SLC39A11: variants seen among roughly 807,000 people sequenced by gnomAD.
The protein encoded by SLC39A11 is solute carrier family 39 member 11.
Under a neutral mutation model 36.1 loss-of-function variants are expected in SLC39A11, and 33 were observed. That is an observed-to-expected ratio of 0.91 (90% confidence interval 0.69 to 1.22). The LOEUF is 1.22. Ranked by LOEUF, SLC39A11 falls within the 50% of genes most tolerant of loss-of-function variation. The probability of loss-of-function intolerance (pLI) is 0.00; values close to 1 mark genes in which losing one functional copy is unlikely to be tolerated. For missense variants in SLC39A11, 432 were observed against 430.3 expected (o/e 1.00, Z -0.03); for synonymous variants, 166 against 170.3 (o/e 0.97, Z 0.20).
At chr17:72,873,636 C>T (rs368462961) in intron 5 of SLC39A11, among the ~76,000 whole-genome samples, 96 of 152,254 alleles carry the variant, frequency 6.3e-4, no homozygotes, top group East Asian at 5.8e-4. Flanking sequence ...TATGTGAACA[C>T]GTGCCCTCAA....
intron 4 of SLC39A11, among the ~76,000 whole-genome samples, chr17:72,988,205 C>A (rs2148260072): frequency 6.6e-6 from 1 of 152,348 alleles, no homozygotes; most frequent in Middle Eastern, 3.4e-3. Flanking sequence ...GTAATCCCAA[C>A]ACTTTGGGGG....
At chr17:72,776,838 C>T (rs1435990518) in intron 6 of SLC39A11, among the ~76,000 whole-genome samples, 2 of 152,198 alleles carry the variant, frequency 1.3e-5, no homozygotes, top group Non-Finnish European at 2.9e-5. Context: ...AAAGTAGCAG[C>T]TGGTCCACAG....
intron 4 of SLC39A11, among the ~76,000 whole-genome samples, chr17:72,989,313 T>C (rs2073136588): frequency 6.6e-6 from 1 of 152,246 alleles, no homozygotes; most frequent in Non-Finnish European, 1.5e-5. Flanking sequence ...GACTCTAGAA[T>C]CATCCTTCCT....
intron 7 of SLC39A11, among the ~76,000 whole-genome samples, chr17:72,697,490 G>A (rs1473607487): frequency 6.6e-6 from 1 of 152,144 alleles, no homozygotes; most frequent in African/African-American, 2.4e-5. Flanking sequence ...AGGCTCTGGG[G>A]AGAGGCTCTG....
intron 5 of SLC39A11, among the ~76,000 whole-genome samples, chr17:72,858,162 A>G (rs1394949372): frequency 6.6e-6 from 1 of 152,210 alleles, no homozygotes; most frequent in Non-Finnish European, 1.5e-5. Context: ...ATATGGTGTA[A>G]GGAAGGGATC....
chr17:72,871,904 A>AT (rs2080651505), intron 5 of SLC39A11, among the ~76,000 whole-genome samples: 1 of 152,104 alleles, frequency 6.6e-6, no homozygotes, highest in Non-Finnish European at 1.5e-5. Context: ...ATCTTGTGGG[A>AT]TGTAGCCCTT....
chr17:72,893,322 G>A (rs933829953), intron 5 of SLC39A11, among the ~76,000 whole-genome samples: 1 of 152,122 alleles, frequency 6.6e-6, no homozygotes, highest in African/African-American at 2.4e-5. Flanking sequence ...TTAGCCAGGC[G>A]TGGTGACACA....
intron 6 of SLC39A11, among the ~76,000 whole-genome samples, chr17:72,840,357 G>A (rs1289117183): frequency 6.6e-6 from 1 of 152,176 alleles, no homozygotes; most frequent in East Asian, 1.9e-4. Flanking sequence ...CCTCTTCTCT[G>A]GACCTTTAAA....
In SLC39A11 at chr17:72,835,282, T is replaced by A. The variant is rs139075824; in HGVS notation, c.601+14352A>T. Reference sequence around the variant, plus strand: ...ATCTTCAAATGTAACCTGTTGGAGATGAAAATTAAAGCCATCTGTGACGTC... The same window carrying A: ...ATCTTCAAATGTAACCTGTTGGAGAAGAAAATTAAAGCCATCTGTGACGTC... On this transcript the variant is annotated intron_variant, in intron 6 of 9. Coordinates refer to ENST00000255559, the MANE Select transcript of SLC39A11 (RefSeq NM_139177.4). Among the ~76,000 whole-genome samples, 37 of 152,308 alleles carry A rather than the reference T, an allele frequency of 2.4e-4. No homozygotes were observed. In the East Asian group the frequency reaches 3.1e-3, roughly 13 times the overall value.
At position 72,830,929 on chromosome 17, in the gene SLC39A11, C is replaced by T. The variant is rs959846806; in HGVS notation, c.601+18705G>A. On this transcript the variant is annotated intron_variant, in intron 6 of 9. Coordinates refer to ENST00000255559, the MANE Select transcript of SLC39A11 (RefSeq NM_139177.4). ...CTCCCAACAGGAAAGCCCAACATGG[C>T]TCTAGTGTGAAGAGGAGGCTGACCC... Among the ~76,000 whole-genome samples, 3 of 152,100 alleles carry T rather than the reference C, an allele frequency of 2.0e-5. No individual in the cohort carries two copies. The East Asian group carries it at 5.8e-4, about 29-fold the overall frequency.
chr17:72,781,245 A>C (rs921573650), intron 6 of SLC39A11, among the ~76,000 whole-genome samples: 7 of 152,140 alleles, frequency 4.6e-5, no homozygotes, highest in Non-Finnish European at 7.3e-5. Context: ...CGATCCTCTC[A>C]AACTCTCCTC....
intron 5 of SLC39A11, among the ~76,000 whole-genome samples, chr17:72,938,553 C>T (rs1446312757): frequency 6.6e-6 from 1 of 152,170 alleles, no homozygotes; most frequent in African/African-American, 2.4e-5. Flanking sequence ...AACCAACGTG[C>T]CACCCTGTTG....
At chr17:72,748,823 C>A (rs1598560276) in intron 6 of SLC39A11, among the ~76,000 whole-genome samples, 2 of 152,140 alleles carry the variant, frequency 1.3e-5, no homozygotes, top group Non-Finnish European at 2.9e-5. Flanking sequence ...ATGCCTCTAG[C>A]CAACTCCCCT....
intron 7 of SLC39A11, among the ~76,000 whole-genome samples, chr17:72,716,980 A>ATAT (rs1555646773): frequency 1.0e-4 from 13 of 130,478 alleles, no homozygotes; most frequent in South Asian, 4.7e-4. Flanking sequence ...AAAAAAAAAA[A>ATAT]ATATATATAT....
chr17:72,653,662 A>G (rs1417360174), intron 7 of SLC39A11, among the ~76,000 whole-genome samples: 3 of 151,910 alleles, frequency 2.0e-5, no homozygotes, highest in Non-Finnish European at 4.4e-5. Flanking sequence ...GTGGTCTCGA[A>G]CTCCTGACCT....
chr17:72,956,118 T>G (rs528019098), intron 4 of SLC39A11, among the ~76,000 whole-genome samples: 125 of 152,230 alleles, frequency 8.2e-4, no homozygotes, highest in African/African-American at 2.8e-3. Flanking sequence ...CCACGATCCC[T>G]CCAATGCCAC....
At chr17:73,078,633 C>T (rs1489058254) in intron 3 of SLC39A11, among the ~76,000 whole-genome samples, 1 of 151,904 alleles carries the variant, frequency 6.6e-6, no homozygotes, top group Non-Finnish European at 1.5e-5. Flanking sequence ...ATTACAGGTG[C>T]CCGCCACCAT....
At chr17:72,960,241 A>G (rs1208947059) in intron 4 of SLC39A11, among the ~76,000 whole-genome samples, 1 of 152,220 alleles carries the variant, frequency 6.6e-6, no homozygotes, top group Admixed American at 6.5e-5. Flanking sequence ...AATGTCTATC[A>G]CTTTCACAAA....
intron 3 of SLC39A11, among the ~76,000 whole-genome samples, chr17:73,043,817 C>T (rs2059185598): frequency 6.6e-6 from 1 of 152,130 alleles, no homozygotes; most frequent in African/African-American, 2.4e-5. Flanking sequence ...TGATGAGCGG[C>T]CACATGAATT....
Sources: allele counts gnomAD v4.1 joint callset (sites outside exome capture counted in the v4.1 genomes callset), GRCh38; gene constraint gnomAD v4.1.1; transcripts MANE v1.5; gene names NCBI Gene and HGNC (gene_info 2026-07-23, HGNC 2026-07-21).